Variants in MAF observed in about 807,000 individuals in gnomAD.
The protein encoded by MAF is MAF bZIP transcription factor.
In MAF, 10 loss-of-function variants were observed where a neutral mutation model predicts 22.0. The ratio of observed to expected loss-of-function variants is 0.45; its 90% CI spans 0.28 to 0.77. MAF has a LOEUF of 0.77. Ranked by LOEUF, MAF falls within the 30% of genes least tolerant of loss-of-function variation. The pLI, the probability that MAF is intolerant of heterozygous loss-of-function variation, is 0.12. For synonymous variants in MAF, 337 were observed against 255.8 expected (o/e 1.32, Z -3.03); for missense variants, 544 against 548.4 (o/e 0.99, Z 0.08).
chr16:79,548,506 T>A, the MAF span, among the ~76,000 whole-genome samples: 2 of 152,350 alleles, frequency 1.3e-5, no homozygotes, highest in Admixed American at 6.5e-5. Flanking sequence ...GATTTAAAGA[T>A]ACACTATGAA....
the MAF span, among the ~76,000 whole-genome samples, chr16:79,509,634 G>A: frequency 1.2e-3 from 186 of 152,354 alleles, 1 homozygote; most frequent in Non-Finnish European, 2.3e-3. Flanking sequence ...GGGGATATTG[G>A]CCAAGGCCTG....
At chr16:79,255,886 G>C in the MAF span, among the ~76,000 whole-genome samples, 5 of 151,710 alleles carry the variant, frequency 3.3e-5, no homozygotes, top group African/African-American at 1.2e-4. Context: ...CCTTTTCATG[G>C]TACCTGGTGT....
the MAF span, among the ~76,000 whole-genome samples, chr16:79,480,422 T>A: frequency 1.3e-4 from 19 of 151,872 alleles, no homozygotes; most frequent in Admixed American, 9.8e-4. Context: ...GTGACCCAGA[T>A]TGAGACAAGC....
the MAF span, among the ~76,000 whole-genome samples, chr16:79,552,157 C>T: frequency 6.6e-6 from 1 of 152,120 alleles, no homozygotes; most frequent in Non-Finnish European, 1.5e-5. Context: ...AATGCTGGCT[C>T]TTCCTGGGAA....
the MAF span, among the ~76,000 whole-genome samples, chr16:79,317,891 G>A: frequency 6.7e-6 from 1 of 149,614 alleles, no homozygotes; most frequent in South Asian, 2.1e-4. Flanking sequence ...TATCTGTGGG[G>A]TAGCTTGTAT....
At chr16:79,299,730 C>T in the MAF span, among the ~76,000 whole-genome samples, 1 of 152,234 alleles carries the variant, frequency 6.6e-6, no homozygotes, top group South Asian at 2.1e-4. Flanking sequence ...TAATGCAATG[C>T]TTTTCGTTCC....
At chr16:79,597,004 T>A in intron 1 of MAF, 1 of 1,054,106 alleles carries the variant, frequency 9.5e-7, no homozygotes, top group Non-Finnish European at 1.1e-6. Context: ...CCTACAGATA[T>A]AAACAGGGGC....
chr16:79,421,265 G>C, the MAF span, among the ~76,000 whole-genome samples: 1 of 152,180 alleles, frequency 6.6e-6, no homozygotes, highest in South Asian at 2.1e-4. Context: ...ATAAGCGCTG[G>C]CTGCTGTGCA....
chr16:79,419,264 G>C, the MAF span, among the ~76,000 whole-genome samples: 3 of 152,280 alleles, frequency 2.0e-5, no homozygotes, highest in South Asian at 6.2e-4. Context: ...ATTTGAGGAG[G>C]CTGAAAGGAA....
At chr16:79,453,843 C>T in the MAF span, among the ~76,000 whole-genome samples, 6 of 152,140 alleles carry the variant, frequency 3.9e-5, no homozygotes, top group Non-Finnish European at 8.8e-5. Context: ...AAAGTCTGGA[C>T]ATCTTAAGAA....
the MAF span, among the ~76,000 whole-genome samples, chr16:79,360,822 G>T: frequency 6.6e-6 from 1 of 152,152 alleles, no homozygotes; most frequent in African/African-American, 2.4e-5. Context: ...AGCCCACCCA[G>T]CAGGGATGAC....
the MAF span, among the ~76,000 whole-genome samples, chr16:79,385,890 G>C: frequency 6.6e-6 from 1 of 152,150 alleles, no homozygotes; most frequent in Non-Finnish European, 1.5e-5. Context: ...CTGGGCTAAA[G>C]AGAGACTCTG....
chr16:79,527,072 G>C, the MAF span, among the ~76,000 whole-genome samples: 1 of 152,172 alleles, frequency 6.6e-6, no homozygotes, highest in African/African-American at 2.4e-5. Flanking sequence ...CCAGTGCTGT[G>C]GGGGAACCTG....
the MAF span, among the ~76,000 whole-genome samples, chr16:79,345,769 T>A: frequency 6.6e-6 from 1 of 151,328 alleles, no homozygotes; most frequent in Non-Finnish European, 1.5e-5. Flanking sequence ...TTAACTTGCT[T>A]TATAATGTCT....
At chr16:79,253,781 A>C in the MAF span, among the ~76,000 whole-genome samples, 1 of 151,928 alleles carries the variant, frequency 6.6e-6, no homozygotes. Context: ...GAGGCCTGGG[A>C]TTTGGGCTAT....
In MAF at chr16:79,599,681, C is replaced by T. The variant is rs760509475; in HGVS notation, c.222G>A (p.Ser74=). ...CSSVPPSPSF[S]APSPGSGSEQ... ...CGCTGCCCGAGCCCGGGCTGGGCGC[C>T]GAGAAGCTGGGGGAAGGGGGCACCG... The change falls in exon 1 of 2, where the codon TCG becomes TCA. Residue 74 remains serine (S), a synonymous_variant. Coordinates refer to ENST00000326043, the MANE Select transcript of MAF (RefSeq NM_005360.5). 6.2e-7 allele frequency: 1 copy of T among 1,612,322 alleles called. No individual in the cohort carries two copies. The highest frequency in any genetic ancestry group is 8.5e-7 in the Non-Finnish European group (1 of 1,179,728).
the MAF span, among the ~76,000 whole-genome samples, chr16:79,424,323 G>C: frequency 6.6e-6 from 1 of 152,256 alleles, no homozygotes; most frequent in Admixed American, 6.5e-5. Context: ...CCACAGACTG[G>C]AATTCGAATT....
At chr16:79,458,403 C>T in the MAF span, among the ~76,000 whole-genome samples, 1 of 152,002 alleles carries the variant, frequency 6.6e-6, no homozygotes, top group Non-Finnish European at 1.5e-5. Context: ...ACCATGTGGC[C>T]CTCAGAGACA....
At chr16:79,288,877 G>A in the MAF span, among the ~76,000 whole-genome samples, 2 of 152,162 alleles carry the variant, frequency 1.3e-5, no homozygotes, top group South Asian at 2.1e-4. Flanking sequence ...TCACAGGCAC[G>A]CACCACCATG....
Sources: gnomAD v4.1 joint callset for allele counts (sites outside exome capture counted in the v4.1 genomes callset) on GRCh38, gnomAD v4.1.1 for gene constraint, MANE v1.5 for transcripts, NCBI Gene and HGNC (gene_info 2026-07-23, HGNC 2026-07-21) for gene names.